The following PTPN12 variants were observed in gnomAD, a reference collection of about 807,000 sequenced individuals.
PTPN12 encodes the protein tyrosine-protein phosphatase non-receptor type 12.
PTPN12 carries 29 observed loss-of-function variants against 97.6 expected under a neutral mutation model. That is an observed-to-expected ratio of 0.30 (90% CI 0.22 to 0.41). The LOEUF (loss-of-function observed/expected upper bound fraction) is 0.41. Ranked by LOEUF, PTPN12 falls within the 10% of genes least tolerant of loss-of-function variation. PTPN12 has a pLI of 1.00. For missense variants in PTPN12, 819 were observed against 926.0 expected (o/e 0.88, Z 1.50); for synonymous variants, 327 against 300.4 (o/e 1.09, Z -0.91).
In PTPN12 at chr7:77,640,053, C is replaced by A. The variant is rs1347502401; in HGVS notation, c.*773C>A. ...ATATTTGACCTGTCATTAAAAAAAA[C>A]AAACAGTTTTACAGTGCCTACTTGT... On this transcript the variant is annotated 3_prime_UTR_variant, in exon 18 of 18. Coordinates refer to ENST00000248594, the MANE Select transcript of PTPN12 (RefSeq NM_002835.4). The A allele has an allele frequency of 1.3e-5, 2 of 152,336 alleles. No homozygotes were observed. Among genetic ancestry groups the A allele is most frequent in the East Asian group, 1.9e-4 (1 of 5,194 alleles). 9.4% of individuals were successfully genotyped at this position (152,336 alleles called of 1,614,324 possible).
intron 2 of PTPN12, among the ~76,000 whole-genome samples, chr7:77,573,354 C>A (rs1787225815): frequency 3.9e-5 from 6 of 152,118 alleles, no homozygotes; most frequent in Admixed American, 3.9e-4. Flanking sequence ...AGCAGATATG[C>A]TGTCTAGTGA....
Position 77,633,192 on chromosome 7 carries a change from C to T in PTPN12, c.2074+767C>T, listed in dbSNP as rs186654204. ...GACTGAGGCAGGAGAATTGCTTGAA[C>T]CTGGGAGGTGGATATTGCAGTGAGC... On this transcript the variant is annotated intron_variant, in intron 14 of 17. Coordinates refer to ENST00000248594, the MANE Select transcript of PTPN12 (RefSeq NM_002835.4). Among the ~76,000 whole-genome samples, 106 of 152,082 alleles carry T rather than the reference C, an allele frequency of 7.0e-4. No individual in the cohort carries two copies. The East Asian group carries it at 0.02, about 29-fold the overall frequency.
In PTPN12 at chr7:77,605,469, G is replaced by A. The variant is rs1235417078; in HGVS notation, c.696-1766G>A. On this transcript the variant is annotated intron_variant, in intron 8 of 17. Coordinates refer to ENST00000248594, the MANE Select transcript of PTPN12 (RefSeq NM_002835.4). ...GAGTCTCGCTCTGTCGCCCAAGCTG[G>A]AGTGCAATGGCGTGATCTCAGCTCA... 1.3e-3 allele frequency among the ~76,000 whole-genome samples: 173 copies of A among 133,524 alleles called. 1 individual carries two copies. The highest frequency in any genetic ancestry group is 4.8e-3 in the African/African-American group (167 of 34,842). The allele number at this position is 133,524 out of a possible 152,430, so 87.6% of individuals were successfully genotyped here.
chr7:77,561,293 A>G (rs931755207), intron 1 of PTPN12, among the ~76,000 whole-genome samples: 4 of 152,156 alleles, frequency 2.6e-5, no homozygotes, highest in African/African-American at 2.4e-5. Flanking sequence ...AGGGATGTAA[A>G]ATTGTGTCTG....
At chr7:77,545,909 C>T (rs919759225) in intron 1 of PTPN12, 2 of 152,016 alleles carry the variant, frequency 1.3e-5, no homozygotes, top group Non-Finnish European at 2.9e-5. Context: ...TACTTTTTCC[C>T]TCAGAAAGCT....
intron 1 of PTPN12, chr7:77,537,978 C>CGG (rs34251983): frequency 0.02 from 15,158 of 764,104 alleles, 65 homozygotes; most frequent in African/African-American, 0.053. Flanking sequence ...AGGTGCAGGC[C>CGG]GGGGGGGGGG....
intron 14 of PTPN12, among the ~76,000 whole-genome samples, chr7:77,634,360 C>T (rs1463701194): frequency 6.6e-6 from 1 of 152,154 alleles, no homozygotes; most frequent in African/African-American, 2.4e-5. Flanking sequence ...GCTCACTTGT[C>T]TAAGTACATT....
At chr7:77,558,743 C>A (rs1340771747) in intron 1 of PTPN12, among the ~76,000 whole-genome samples, 1 of 152,204 alleles carries the variant, frequency 6.6e-6, no homozygotes, top group Non-Finnish European at 1.5e-5. Context: ...GGTTTATGAG[C>A]TGGGCCCAGT....
chr7:77,605,409 GTTTTTTTT>G (rs751962814), intron 8 of PTPN12, among the ~76,000 whole-genome samples: 1,418 of 95,494 alleles, frequency 0.015, 61 homozygotes, highest in Non-Finnish European at 0.022. Flanking sequence ...TTTGTCATGA[GTTTTTTTT>G]TTTTTTTTTT....
chr7:77,609,991 T>C (rs1259906351), intron 9 of PTPN12, among the ~76,000 whole-genome samples: 1 of 152,128 alleles, frequency 6.6e-6, no homozygotes, highest in Non-Finnish European at 1.5e-5. Context: ...CACTCCAAAA[T>C]ATTCTTGTTG....
intron 8 of PTPN12, among the ~76,000 whole-genome samples, chr7:77,603,777 A>C (rs893995394): frequency 4.6e-5 from 7 of 151,700 alleles, no homozygotes; most frequent in African/African-American, 1.7e-4. Context: ...GTATTTTTTA[A>C]TGTGTTATCC....
chr7:77,599,980 A>G (rs973428401), intron 7 of PTPN12, among the ~76,000 whole-genome samples: 4 of 152,226 alleles, frequency 2.6e-5, no homozygotes, highest in African/African-American at 7.2e-5. Context: ...AGAAATTTTT[A>G]AAAAACATGA....
At chr7:77,593,085 A>G (rs1157747894) in intron 6 of PTPN12, among the ~76,000 whole-genome samples, 2 of 152,104 alleles carry the variant, frequency 1.3e-5, no homozygotes, top group Non-Finnish European at 2.9e-5. Context: ...CCTGGACAAC[A>G]TGGCAAAACT....
chr7:77,597,834 T>G lies in PTPN12; in HGVS notation c.493-8T>G. 1 of 1,606,714 alleles carries G rather than the reference T, an allele frequency of 6.2e-7. No individual in the cohort carries two copies. Among genetic ancestry groups the G allele is most frequent in the Non-Finnish European group, 8.5e-7 (1 of 1,177,166 alleles). On this transcript the variant is annotated splice_region_variant and splice_polypyrimidine_tract_variant and intron_variant, in intron 6 of 17. Transcript: ENST00000248594. ...TTCACTGACTTAGAAATGTTTCTCT[T>G]TATTTAGGAGGATGAACAAGCAAGA... is the stretch of plus-strand genomic sequence containing the variant.
chr7:77,607,538 G>T lies in PTPN12; in HGVS notation c.762+237G>T, dbSNP rs567209314. On this transcript the variant is annotated intron_variant, in intron 9 of 17. Transcript: ENST00000248594. ...GCTTGAGCCCTGGGGCTCGAGACCA[G>T]CCTGGGGAACATAGGGAGACCCCCG... is the stretch of plus-strand genomic sequence containing the variant. Among the ~76,000 whole-genome samples the T allele has an allele frequency of 7.9e-5, 12 of 152,304 alleles. No homozygotes were observed. The South Asian group carries it at 2.5e-3, about 32-fold the overall frequency.
intron 1 of PTPN12, among the ~76,000 whole-genome samples, chr7:77,550,911 C>G (rs1282647503): frequency 6.6e-6 from 1 of 152,192 alleles, no homozygotes; most frequent in Non-Finnish European, 1.5e-5. Flanking sequence ...TTTGCCTTGA[C>G]TGGACCACTG....
intron 6 of PTPN12, among the ~76,000 whole-genome samples, chr7:77,597,291 G>A (rs974558759): frequency 2.9e-4 from 44 of 152,046 alleles, no homozygotes; most frequent in Admixed American, 1.3e-3. Flanking sequence ...ACACAGCTAA[G>A]TTTTGTATTT....
chr7:77,604,869 T>C, intron 8 of PTPN12: 1 of 433,966 alleles, frequency 2.3e-6, no homozygotes, highest in Non-Finnish European at 4.7e-6. Flanking sequence ...TTTTTGCTCT[T>C]CATTGATAGC....
chr7:77,637,082 G>A, intron 16 of PTPN12, 34 bp downstream of exon 16: 2 of 1,516,044 alleles, frequency 1.3e-6, no homozygotes, highest in Non-Finnish European at 1.8e-6. Flanking sequence ...CCTTTTTACT[G>A]TAGATTTTAT....
Sources: gnomAD v4.1 joint callset for allele counts (sites outside exome capture counted in the v4.1 genomes callset) on GRCh38, gnomAD v4.1.1 for gene constraint, MANE v1.5 for transcripts, NCBI Gene and HGNC (gene_info 2026-07-23, HGNC 2026-07-21) for gene names.